Variants in EFHB observed in about 807,000 individuals in gnomAD.
EFHB encodes EF-hand domain family member B.
In EFHB, 91 loss-of-function variants were observed where a neutral mutation model predicts 87.2. The ratio of observed to expected loss-of-function variants is 1.04; its 90% confidence interval spans 0.88 to 1.24. EFHB has a LOEUF of 1.24. EFHB is among the 50% of genes most tolerant of loss of function. EFHB has a pLI of 0.00. For synonymous variants in EFHB, 325 were observed against 333.6 expected (o/e 0.97, Z 0.28); for missense variants, 1,084 against 998.8 (o/e 1.09, Z -1.15).
chr3:19,893,265 C>T (rs1405256026), intron 9 of EFHB, among the ~76,000 whole-genome samples: 1 of 152,138 alleles, frequency 6.6e-6, no homozygotes, highest in Non-Finnish European at 1.5e-5. Context: ...TCGCCTAGAC[C>T]TTTTGTTAGG....
intron 1 of EFHB, among the ~76,000 whole-genome samples, chr3:19,944,712 A>G (rs777931398): frequency 7.2e-5 from 11 of 152,358 alleles, no homozygotes; most frequent in Non-Finnish European, 1.3e-4. Flanking sequence ...AAGAAGCAAC[A>G]TACTGGAACG....
upstream of EFHB, chr3:19,936,138 C>T: frequency 2.7e-6 from 4 of 1,486,444 alleles, no homozygotes; most frequent in Non-Finnish European, 3.6e-6. Flanking sequence ...CATAGTCACT[C>T]ACCTGTAATC....
intron 1 of EFHB, among the ~76,000 whole-genome samples, chr3:19,930,768 A>G (rs1695801609): frequency 6.6e-6 from 1 of 152,088 alleles, no homozygotes; most frequent in African/African-American, 2.4e-5. Context: ...ACACCTGGCT[A>G]ATTTTTCTTT....
chr3:19,882,246 G>C (rs1013950682), intron 12 of EFHB, among the ~76,000 whole-genome samples: 1 of 152,058 alleles, frequency 6.6e-6, no homozygotes, highest in South Asian at 2.1e-4. Flanking sequence ...CTTACATAAG[G>C]AAGGGGTTGA....
intron 4 of EFHB, among the ~76,000 whole-genome samples, chr3:19,917,060 C>A (rs148096899): frequency 6.6e-6 from 1 of 151,884 alleles, no homozygotes; most frequent in African/African-American, 2.4e-5. Context: ...TCATATACAT[C>A]GGATTTCTTA....
intron 5 of EFHB, among the ~76,000 whole-genome samples, chr3:19,911,316 C>T (rs1695054546): frequency 6.6e-6 from 1 of 152,066 alleles, no homozygotes; most frequent in South Asian, 2.1e-4. Flanking sequence ...AATCTGAGCA[C>T]TTTGGGAGGC....
At position 19,884,725 on chromosome 3, in the gene EFHB, A is replaced by G; in HGVS notation, c.1934-110T>C. ...ATCTAGTCTCTTCTTGCTAATGGAAACAGCTGGCATGACCCCTCCACTGAC... is the reference window on the plus strand; with the variant it reads ...ATCTAGTCTCTTCTTGCTAATGGAAGCAGCTGGCATGACCCCTCCACTGAC... On this transcript the variant is annotated intron_variant, in intron 10 of 12. Transcript: ENST00000295824. 3.8e-6 allele frequency: 4 copies of G among 1,060,984 alleles called. No homozygotes were observed. The South Asian group carries it at 6.4e-5, about 17-fold the overall frequency. The allele number at this position is 1,060,984 out of a possible 1,614,324, so 65.7% of individuals were successfully genotyped here. A position where few individuals can be genotyped will look rare whatever the true frequency, so the allele number is the denominator to read the frequency against.
rs373116796 is a variant in EFHB at position 19,933,216 on chromosome 3, G to A, written c.789+14C>T. The A allele has an allele frequency of 1.1e-5, 17 of 1,606,056 alleles. No homozygotes were observed. The African/African-American group carries it at 2.3e-4, about 21-fold the overall frequency. The stretch of plus-strand genomic sequence containing the variant: ...ACACAGTTTAGTTCCTATGGAAAGT[G>A]GAAAAAAACTTACACTTGGCCAGCA... On this transcript the variant is annotated intron_variant, in intron 1 of 12. Coordinates refer to ENST00000295824, the MANE Select transcript of EFHB (RefSeq NM_144715.4).
At chr3:19,904,937 G>C (rs765826641) in intron 6 of EFHB, among the ~76,000 whole-genome samples, 3 of 152,006 alleles carry the variant, frequency 2.0e-5, no homozygotes, top group Non-Finnish European at 4.4e-5. Flanking sequence ...TTATGTGTTG[G>C]CTCGGATATA....
In EFHB at chr3:19,934,068, G is replaced by C. The variant is rs989451539; in HGVS notation, c.-50C>G. 10 of 1,532,072 alleles carry C rather than the reference G, an allele frequency of 6.5e-6. No individual in the cohort carries two copies. In the Admixed American group the frequency reaches 1.4e-4, roughly 22 times the overall value. 94.9% of individuals were successfully genotyped at this position (1,532,072 alleles called of 1,614,324 possible). A position where few individuals can be genotyped will look rare whatever the true frequency, so the allele number is the denominator to read the frequency against. On this transcript the variant is annotated 5_prime_UTR_variant, in exon 1 of 13. Coordinates refer to ENST00000295824, the MANE Select transcript of EFHB (RefSeq NM_144715.4). ...TCTCCAAGAGCGCTCATCTCTAAGG[G>C]GAAAGCTGTACCTGGCTACAAAGAC...
rs762234157 is a variant in EFHB, at chr3:19,882,693, T to C, written c.2185A>G (p.Ile729Val). The change falls in exon 12 of 13, where the codon ATT (isoleucine) becomes GTT (valine). Residue 729 changes from isoleucine to valine, a missense_variant. Physicochemically the swap from Ile to Val is conservative, Grantham distance 29. Transcript: ENST00000295824. ...ICGVPTIRSD[I>V]PAPRIRRISD... Reference sequence around the variant, plus strand: ...ATGCGACGAATTCGGGGAGCAGGAATGTCAGATCGAATGGTTGGAACACCA... The same window carrying C: ...ATGCGACGAATTCGGGGAGCAGGAACGTCAGATCGAATGGTTGGAACACCA... 1 of 1,613,736 alleles carries C rather than the reference T, an allele frequency of 6.2e-7. No homozygotes were observed. The highest frequency in any genetic ancestry group is 8.5e-7 in the Non-Finnish European group (1 of 1,179,766).
At chr3:19,914,102 C>A (rs1695148160) in intron 5 of EFHB, among the ~76,000 whole-genome samples, 1 of 152,128 alleles carries the variant, frequency 6.6e-6, no homozygotes, top group Non-Finnish European at 1.5e-5. Context: ...CACCACCATG[C>A]CTGACTAATT....
intron 4 of EFHB, among the ~76,000 whole-genome samples, chr3:19,916,464 A>G (rs1348558302): frequency 5.5e-4 from 84 of 151,964 alleles, no homozygotes; most frequent in Non-Finnish European, 1.0e-3. Context: ...GCAGGGAGCC[A>G]AGATCACGAC....
In EFHB at chr3:19,906,087, G is replaced by A. The variant is rs545373806; in HGVS notation, c.1289-338C>T. On this transcript the variant is annotated intron_variant, in intron 5 of 12. Coordinates refer to ENST00000295824, the MANE Select transcript of EFHB (RefSeq NM_144715.4). The stretch of plus-strand genomic sequence containing the variant: ...TGTAATCCCAGCACTTTGTGAGGCC[G>A]AGACTGGTGGATCACTTGAGGCCAG... Among the ~76,000 whole-genome samples the A allele has an allele frequency of 1.3e-3, 201 of 152,300 alleles. 5 individuals carry two copies. The South Asian group carries it at 0.034, about 26-fold the overall frequency.
chr3:19,918,648 A>G lies in EFHB; in HGVS notation c.997-236T>C, dbSNP rs73819045. Among the ~76,000 whole-genome samples the G allele has an allele frequency of 3.3e-3, 508 of 152,188 alleles. 5 individuals carry two copies. Among genetic ancestry groups the G allele is most frequent in the African/African-American group, 0.012 (490 of 41,526 alleles). On this transcript the variant is annotated intron_variant, in intron 3 of 12. Transcript: ENST00000295824. ...TTTCAGTGATACTAAAAGGTTTACA[A>G]TGATAGCTTCCAGGTTACTTGACTC...
intron 10 of EFHB, among the ~76,000 whole-genome samples, chr3:19,886,773 C>T (rs1448190273): frequency 2.1e-5 from 3 of 144,730 alleles, no homozygotes; most frequent in Non-Finnish European, 4.5e-5. Flanking sequence ...TTTGAAATAA[C>T]ACTCAATGGT....
intron 1 of EFHB, chr3:19,940,407 T>G: frequency 2.3e-6 from 1 of 440,078 alleles, no homozygotes; most frequent in South Asian, 1.7e-5. Flanking sequence ...TCTGCTGATG[T>G]TCAAATTCTT....
chr3:19,902,448 G>C (rs545091823), intron 6 of EFHB, among the ~76,000 whole-genome samples: 3 of 152,058 alleles, frequency 2.0e-5, no homozygotes, highest in Admixed American at 2.0e-4. Flanking sequence ...TCCACCTCCC[G>C]GGTTCAAGCG....
In EFHB at chr3:19,882,700, T is replaced by G; in HGVS notation, c.2178A>C (p.Arg726=). 2.5e-6 allele frequency: 4 copies of G among 1,613,634 alleles called. No individual in the cohort carries two copies. Among genetic ancestry groups the G allele is most frequent in the Non-Finnish European group, 3.4e-6 (4 of 1,179,732 alleles). ...GAATTCGGGGAGCAGGAATGTCAGA[T>G]CGAATGGTTGGAACACCACAAATGG... ...CYPICGVPTI[R]SDIPAPRIRR... The change falls in exon 12 of 13, where the codon CGA becomes CGC. Residue 726 remains arginine, a synonymous_variant. Transcript: ENST00000295824.
Sources: gnomAD v4.1 joint callset for allele counts (sites outside exome capture counted in the v4.1 genomes callset) on GRCh38, gnomAD v4.1.1 for gene constraint, MANE v1.5 for transcripts, NCBI Gene and HGNC (gene_info 2026-07-23, HGNC 2026-07-21) for gene names.